The following FILIP1L variants were observed in gnomAD, a reference collection of about 807,000 sequenced individuals.
The protein encoded by FILIP1L is filamin A-interacting protein 1-like.
Under a neutral mutation model 96.6 loss-of-function variants are expected in FILIP1L, and 55 were observed. The observed-to-expected ratio is 0.57, with a 90% CI of 0.46 to 0.71. FILIP1L has a LOEUF of 0.71. Among genes scored for constraint, FILIP1L ranks in the 30% least tolerant of loss-of-function variants. The pLI is 0.00. For synonymous variants in FILIP1L, 467 were observed against 473.9 expected, an observed-to-expected ratio of 0.99 and a Z score of 0.19; for missense variants, 1,304 against 1,321.2, an observed-to-expected ratio of 0.99 and a Z score of 0.20.
intron 1 of FILIP1L, among the ~76,000 whole-genome samples, chr3:99,999,677 G>C (rs1015737159): frequency 6.6e-6 from 1 of 152,072 alleles, no homozygotes; most frequent in Non-Finnish European, 1.5e-5. Context: ...GTCACTTGAT[G>C]GTTCATTGCT....
chr3:100,020,990 C>T (rs2064804619), intron 1 of FILIP1L, among the ~76,000 whole-genome samples: 1 of 152,108 alleles, frequency 6.6e-6, no homozygotes. Context: ...TGGTCCTGAT[C>T]TCTTGACCTT....
At chr3:99,891,463 G>A (rs1009307590) in intron 4 of FILIP1L, among the ~76,000 whole-genome samples, 4 of 152,148 alleles carry the variant, frequency 2.6e-5, no homozygotes, top group African/African-American at 9.6e-5. Flanking sequence ...CTTTTATTCA[G>A]TCTTTGGCCT....
intron 5 of FILIP1L, among the ~76,000 whole-genome samples, chr3:99,842,505 A>C (rs1206303506): frequency 2.6e-4 from 3 of 11,492 alleles, no homozygotes; most frequent in African/African-American, 1.1e-3. Context: ...AAAACAGGCC[A>C]AAAAAAAAAA....
rs1379826072 is a variant in FILIP1L at position 99,850,934 on chromosome 3, T to C, written c.742A>G (p.Arg248Gly). The C allele has an allele frequency of 6.2e-7, 1 of 1,614,094 alleles. No individual in the cohort carries two copies. The highest frequency in any genetic ancestry group is 1.3e-5 in the African/African-American group (1 of 74,944). Reference sequence around the variant, plus strand: ...TGAAGGGTGAGCTGTGCCGTCAGCCTTTGCTGTTCATCCACCACCATCAAA... The same window carrying C: ...TGAAGGGTGAGCTGTGCCGTCAGCCCTTGCTGTTCATCCACCACCATCAAA... ...FALMVVDEQQ[R>G]LTAQLTLQRQ... Residue 248 changes from arginine (R) to glycine (G), a missense_variant, in exon 5 of 6, where the codon AGG becomes GGG. By Grantham distance (125) the Arg-to-Gly change is moderately radical (BLOSUM62 -2). Transcript: ENST00000477258.
At chr3:99,991,950 G>GTA (rs1233656508) in intron 1 of FILIP1L, among the ~76,000 whole-genome samples, 1 of 144,580 alleles carries the variant, frequency 6.9e-6, no homozygotes, top group Non-Finnish European at 1.5e-5. Context: ...GTATATATGT[G>GTA]TATATATGTG....
At chr3:100,107,607 G>C (rs2066416210) in intron 1 of FILIP1L, among the ~76,000 whole-genome samples, 1 of 152,042 alleles carries the variant, frequency 6.6e-6, no homozygotes, top group Non-Finnish European at 1.5e-5. Flanking sequence ...TTTAAATTAG[G>C]AAAGAACAAA....
At chr3:99,985,171 TA>T (rs1161062987) in intron 1 of FILIP1L, among the ~76,000 whole-genome samples, 6 of 152,050 alleles carry the variant, frequency 3.9e-5, no homozygotes, top group Non-Finnish European at 5.9e-5. Context: ...AAAATCATCC[TA>T]GGGGGTCAAA....
In FILIP1L at chr3:100,060,478, A is replaced by C. The variant is rs569382406; in HGVS notation, c.-11+53575T>G. 8.5e-5 allele frequency among the ~76,000 whole-genome samples: 13 copies of C among 152,262 alleles called. No homozygotes were observed. In the South Asian group the frequency reaches 2.7e-3, roughly 32 times the overall value. On this transcript the variant is annotated intron_variant, in intron 1 of 5. Transcript: ENST00000477258. The stretch of plus-strand genomic sequence containing the variant: ...CAAGAAAATGAAATCAGAGCACATT[A>C]GAATAGCATCTTCACCCAAGAAAAA...
intron 1 of FILIP1L, among the ~76,000 whole-genome samples, chr3:99,979,064 T>A (rs1266555927): frequency 6.6e-6 from 1 of 152,142 alleles, no homozygotes; most frequent in Non-Finnish European, 1.5e-5. Flanking sequence ...CAATTTACTG[T>A]ATATTTTCAA....
At chr3:100,095,511 A>T (rs2066189935) in intron 1 of FILIP1L, among the ~76,000 whole-genome samples, 1 of 152,192 alleles carries the variant, frequency 6.6e-6, no homozygotes, top group Non-Finnish European at 1.5e-5. Context: ...GAGAACATGC[A>T]TTGGAGAAAA....
At chr3:100,002,306 CTTG>C (rs1455185321) in intron 1 of FILIP1L, among the ~76,000 whole-genome samples, 2 of 152,196 alleles carry the variant, frequency 1.3e-5, no homozygotes, top group East Asian at 1.9e-4. Flanking sequence ...TTCAAAACTT[CTTG>C]TTGTTCAAAA....
chr3:99,882,109 T>C (rs1445916240), intron 4 of FILIP1L, among the ~76,000 whole-genome samples: 1 of 152,192 alleles, frequency 6.6e-6, no homozygotes, highest in African/African-American at 2.4e-5. Context: ...AAATTTTAAT[T>C]ATAAACTTCA....
chr3:99,971,268 G>A (rs1708811538), intron 1 of FILIP1L, among the ~76,000 whole-genome samples: 2 of 151,538 alleles, frequency 1.3e-5, no homozygotes, highest in South Asian at 2.1e-4. Context: ...TGAACCCGGG[G>A]CGCGGAGCTT....
chr3:99,969,802 G>T (rs73138620), intron 1 of FILIP1L, among the ~76,000 whole-genome samples: 86 of 152,250 alleles, frequency 5.6e-4, no homozygotes, highest in South Asian at 3.1e-3. Flanking sequence ...TTATTGGATG[G>T]CTTGTCTAGA....
intron 1 of FILIP1L, among the ~76,000 whole-genome samples, chr3:100,059,304 T>A (rs1245046030): frequency 6.6e-6 from 1 of 152,226 alleles, no homozygotes; most frequent in Non-Finnish European, 1.5e-5. Flanking sequence ...CATTTGAGGC[T>A]ATAATGGGAC....
intron 5 of FILIP1L, among the ~76,000 whole-genome samples, chr3:99,845,356 T>C (rs1404919714): frequency 2.0e-5 from 3 of 152,166 alleles, no homozygotes; most frequent in African/African-American, 7.2e-5. Flanking sequence ...AGTGGGAATG[T>C]GAGTAAAATG....
At chr3:100,022,557 C>T (rs1274019401) in intron 1 of FILIP1L, among the ~76,000 whole-genome samples, 1 of 152,092 alleles carries the variant, frequency 6.6e-6, no homozygotes, top group African/African-American at 2.4e-5. Context: ...TTTCAGACAC[C>T]CTTGGTTTAT....
rs372255083 is a variant in FILIP1L at position 99,924,290 on chromosome 3, T to C, written c.545A>G (p.His182Arg). 17 of 1,614,046 alleles carry C rather than the reference T, an allele frequency of 1.1e-5. No individual in the cohort carries two copies. The African/African-American group carries it at 2.1e-4, about 20-fold the overall frequency. Residue 182 changes from histidine (H) to arginine (R), a missense_variant, in exon 4 of 6, where the codon CAT (histidine) becomes CGT (arginine). Physicochemically the swap from His to Arg is conservative, Grantham distance 29. Transcript: ENST00000477258. ...ILELEEEKRK[H>R]KEYMEKSDEF... ...ATCACTCTTCTCCATGTATTCTTTA[T>C]GTTTTCTCTTTTCTTCCTCCAACTC...
chr3:99,840,064 C>T (rs1373508110), intron 5 of FILIP1L, among the ~76,000 whole-genome samples: 2 of 152,046 alleles, frequency 1.3e-5, no homozygotes, highest in Non-Finnish European at 2.9e-5. Context: ...AAGTAGAAGC[C>T]AGGGATGCTC....
Sources: allele counts gnomAD v4.1 joint callset (sites outside exome capture counted in the v4.1 genomes callset), GRCh38; gene constraint gnomAD v4.1.1; transcripts MANE v1.5; gene names NCBI Gene and HGNC (gene_info 2026-07-23, HGNC 2026-07-21).